Variants in APLF observed in about 807,000 individuals in gnomAD.
APLF encodes the protein aprataxin and PNK-like factor.
A neutral mutation model predicts 55.6 loss-of-function variants in APLF; 61 were observed. That is an observed-to-expected ratio of 1.10 (90% CI 0.89 to 1.36). The LOEUF (loss-of-function observed/expected upper bound fraction) is 1.36, where lower values mean the gene tolerates loss of function less well. Among genes scored for constraint, APLF ranks in the 40% most tolerant of loss-of-function variants. The pLI is 0.00. For synonymous variants in APLF, 207 were observed against 214.8 expected (o/e 0.96, Z 0.32); for missense variants, 611 against 602.5 (o/e 1.01, Z -0.15).
intron 9 of APLF, among the ~76,000 whole-genome samples, chr2:68,576,423 C>A (rs1437866600): frequency 6.6e-6 from 1 of 152,094 alleles, no homozygotes; most frequent in East Asian, 1.9e-4. Flanking sequence ...CCTTAAGGAA[C>A]TGGTGAGCTT....
At chr2:68,569,017 C>G (rs1279490481) in intron 9 of APLF, among the ~76,000 whole-genome samples, 2 of 151,976 alleles carry the variant, frequency 1.3e-5, no homozygotes, top group Non-Finnish European at 2.9e-5. Flanking sequence ...TTGTATTTTT[C>G]TGATTTAGAG....
At chr2:68,567,529 T>A (rs1671340289) in intron 9 of APLF, 142 bp downstream of exon 9, 3 of 685,506 alleles carry the variant, frequency 4.4e-6, no homozygotes, top group Non-Finnish European at 7.1e-6. Context: ...TGATTTTTCT[T>A]ATATTAAAAA....
intron 3 of APLF, among the ~76,000 whole-genome samples, chr2:68,510,683 A>T (rs1182681899): frequency 6.6e-6 from 1 of 151,824 alleles, no homozygotes; most frequent in Non-Finnish European, 1.5e-5. Context: ...TATATACCCA[A>T]AAGAATTGAA....
intron 8 of APLF, among the ~76,000 whole-genome samples, chr2:68,551,079 G>C (rs1031255940): frequency 4.6e-5 from 7 of 151,984 alleles, no homozygotes; most frequent in Admixed American, 3.9e-4. Flanking sequence ...GTGTCTGAAA[G>C]TGTTCTTATT....
At chr2:68,522,825 A>G (rs1409940713) in intron 5 of APLF, among the ~76,000 whole-genome samples, 17 of 151,942 alleles carry the variant, frequency 1.1e-4, no homozygotes, top group Admixed American at 1.0e-3. Context: ...ATGTTAAAGT[A>G]CTACTTTATG....
At chr2:68,495,635 G>T (rs1327255470) in intron 2 of APLF, among the ~76,000 whole-genome samples, 2 of 152,252 alleles carry the variant, frequency 1.3e-5, no homozygotes, top group Non-Finnish European at 2.9e-5. Flanking sequence ...TGGGGACTCT[G>T]TGTGGGACCT....
intron 5 of APLF, among the ~76,000 whole-genome samples, chr2:68,524,149 T>TA (rs1669968959): frequency 1.3e-5 from 2 of 152,186 alleles, no homozygotes; most frequent in African/African-American, 4.8e-5. Context: ...TCATAACTGT[T>TA]ACAGCATTTG....
At chr2:68,528,982 C>T (rs1208266321) in intron 6 of APLF, 1 of 1,523,332 alleles carries the variant, frequency 6.6e-7, no homozygotes, top group African/African-American at 1.4e-5. Flanking sequence ...GGTCTTTCAC[C>T]TCCGTTGCTT....
Position 68,467,759 on chromosome 2 carries a change from C to T in APLF, c.28C>T (p.Arg10Trp), listed in dbSNP as rs1259975826. 7 of 1,234,604 alleles carry T rather than the reference C, an allele frequency of 5.7e-6. No homozygotes were observed. Among genetic ancestry groups the T allele is most frequent in the East Asian group, 3.2e-5 (1 of 31,716 alleles). The allele number at this position is 1,234,604 out of a possible 1,614,324, so 76.5% of individuals were successfully genotyped here. A position where few individuals can be genotyped will look rare whatever the true frequency, so the allele number is the denominator to read the frequency against. The change falls in exon 1 of 10, where the codon CGG (arginine) becomes TGG (tryptophan). Residue 10 changes from arginine (R) to tryptophan (W), a missense_variant. By Grantham distance (101) the Arg-to-Trp change is moderately radical. Coordinates refer to ENST00000303795, the MANE Select transcript of APLF (RefSeq NM_173545.3). MSGGFELQP[R>W]DGGPRVALAP... Reference sequence around the variant, plus strand: ...GTCCGGGGGCTTCGAGCTGCAGCCGCGGGACGGCGGTCCCCGGGTGGCCCT... The same window carrying T: ...GTCCGGGGGCTTCGAGCTGCAGCCGTGGGACGGCGGTCCCCGGGTGGCCCT...
chr2:68,549,992 T>A (rs1670811576), intron 8 of APLF, among the ~76,000 whole-genome samples: 1 of 152,140 alleles, frequency 6.6e-6, no homozygotes, highest in Non-Finnish European at 1.5e-5. Context: ...CCTGTCGGAG[T>A]GTTGGTCCGA....
At chr2:68,563,303 C>G in intron 8 of APLF, 1 of 983,890 alleles carries the variant, frequency 1.0e-6, no homozygotes, top group Non-Finnish European at 1.2e-6. Flanking sequence ...TAAAATTTCA[C>G]ATTACATTTT....
intron 8 of APLF, among the ~76,000 whole-genome samples, chr2:68,547,760 T>G (rs1670745537): frequency 6.6e-6 from 1 of 151,770 alleles, no homozygotes; most frequent in South Asian, 2.1e-4. Context: ...TTTTTTTGTT[T>G]GTAAATTACC....
intron 3 of APLF, among the ~76,000 whole-genome samples, chr2:68,508,318 G>T (rs1205521047): frequency 6.6e-6 from 1 of 151,824 alleles, no homozygotes; most frequent in Admixed American, 6.6e-5. Context: ...TACATTTAGG[G>T]TCAGTTGGTT....
At chr2:68,508,823 C>T (rs1035326560) in intron 3 of APLF, among the ~76,000 whole-genome samples, 6 of 152,130 alleles carry the variant, frequency 3.9e-5, no homozygotes, top group Non-Finnish European at 7.4e-5. Context: ...TCAAACTATA[C>T]TACAAGCCTA....
Position 68,567,350 on chromosome 2 carries a change from C to G in APLF, c.1296C>G (p.Pro432=), listed in dbSNP as rs149518296. The G allele has an allele frequency of 2.0e-3, 3,254 of 1,605,330 alleles. 9 individuals are homozygous for G. Among genetic ancestry groups the G allele is most frequent in the Non-Finnish European group, 2.6e-3 (3,004 of 1,176,108 alleles). Residue 432 remains proline (P), a synonymous_variant, in exon 9 of 10, where the codon CCC becomes CCG. Coordinates refer to ENST00000303795, the MANE Select transcript of APLF (RefSeq NM_173545.3). ...PYGPSCYRKN[P]QHKIEYRHNT... is the part of the protein sequence containing the mutation. ...TGCATTCTTCTTTCAGGAAGAATCC[C>G]CAGCACAAGATAGAATATAGACATA...
In APLF at chr2:68,488,435, A is replaced by G. The variant is rs539487571; in HGVS notation, c.97-1755A>G. Among the ~76,000 whole-genome samples, 15 of 151,232 alleles carry G rather than the reference A, an allele frequency of 9.9e-5. No individual in the cohort carries two copies. In the East Asian group the frequency reaches 2.7e-3, roughly 27 times the overall value. ...AACCTTGACCTCCTGGGTTCAAGCA[A>G]TCTTCATACCTCAGCCTCCCAAGTA... On this transcript the variant is annotated intron_variant, in intron 1 of 9. Transcript: ENST00000303795.
intron 1 of APLF, among the ~76,000 whole-genome samples, chr2:68,480,367 T>G (rs1343989966): frequency 6.6e-6 from 1 of 151,758 alleles, no homozygotes; most frequent in East Asian, 1.9e-4. Flanking sequence ...TGCGGTGGCA[T>G]GATCTCGGCT....
intron 7 of APLF, among the ~76,000 whole-genome samples, chr2:68,540,377 A>G (rs763502354): frequency 9.9e-5 from 15 of 152,154 alleles, no homozygotes; most frequent in Non-Finnish European, 1.6e-4. Flanking sequence ...TCCATGGTGT[A>G]TATGTGCCAC....
intron 5 of APLF, among the ~76,000 whole-genome samples, chr2:68,516,234 G>A (rs1051997760): frequency 4.0e-5 from 6 of 151,558 alleles, no homozygotes; most frequent in Middle Eastern, 3.4e-3. Context: ...CATGTACTAA[G>A]GCATATCACT....
Sources: gnomAD v4.1 joint callset for allele counts (sites outside exome capture counted in the v4.1 genomes callset) on GRCh38, gnomAD v4.1.1 for gene constraint, MANE v1.5 for transcripts, NCBI Gene and HGNC (gene_info 2026-07-23, HGNC 2026-07-21) for gene names.